Variants in LINC00305 observed in about 807,000 individuals in gnomAD.
The protein encoded by LINC00305 is long independently transcribed non-coding RNA 305, also known as long intergenic non-protein coding RNA 305.
chr18:64,127,616 G>A (rs1258414245), intron 1 of LINC00305, among the ~76,000 whole-genome samples: 1 of 152,076 alleles, frequency 6.6e-6, no homozygotes, highest in Non-Finnish European at 1.5e-5. Flanking sequence ...AACAGAGAGT[G>A]CCTATTTTCA....
At chr18:64,124,902 T>C (rs11874992) in intron 1 of LINC00305, among the ~76,000 whole-genome samples, 2 of 151,964 alleles carry the variant, frequency 1.3e-5, no homozygotes, top group Non-Finnish European at 2.9e-5. Context: ...ACCTAGGAAG[T>C]CTAACACCAA....
At chr18:64,101,080 T>C (rs1215175487) in intron 1 of LINC00305, among the ~76,000 whole-genome samples, 5 of 152,174 alleles carry the variant, frequency 3.3e-5, no homozygotes, top group Non-Finnish European at 7.4e-5. Flanking sequence ...GTCTCTACCA[T>C]TGCTAAGTGC....
intron 1 of LINC00305, among the ~76,000 whole-genome samples, chr18:64,136,648 G>A (rs74390756): frequency 0.035 from 5,372 of 152,278 alleles, 145 homozygotes; most frequent in Middle Eastern, 0.061. Context: ...CAGCTGCAAA[G>A]GCTGAAATGA....
At chr18:64,115,477 G>C (rs1017898816) in intron 1 of LINC00305, among the ~76,000 whole-genome samples, 5 of 152,140 alleles carry the variant, frequency 3.3e-5, no homozygotes, top group African/African-American at 1.2e-4. Flanking sequence ...TGTGTGGGGA[G>C]GCTGCTTATG....
At chr18:64,120,116 G>A (rs2051355110) in intron 1 of LINC00305, among the ~76,000 whole-genome samples, 1 of 152,032 alleles carries the variant, frequency 6.6e-6, no homozygotes, top group South Asian at 2.1e-4. Context: ...GGCCACCAGA[G>A]GGGGCATCTT....
At chr18:64,085,741 G>T (rs886378703) in intron 3 of LINC00305, among the ~76,000 whole-genome samples, 4 of 152,210 alleles carry the variant, frequency 2.6e-5, no homozygotes, top group Admixed American at 2.6e-4. Flanking sequence ...GATTACAGGC[G>T]TGAGCCACCA....
chr18:64,083,221 C>T (rs952061094), intron 3 of LINC00305, among the ~76,000 whole-genome samples: 11 of 152,138 alleles, frequency 7.2e-5, no homozygotes, highest in African/African-American at 2.4e-4. Context: ...ACATTCCTCA[C>T]CCCAGACAGG....
intron 3 of LINC00305, among the ~76,000 whole-genome samples, chr18:64,093,466 C>T (rs2051232679): frequency 6.6e-6 from 1 of 152,226 alleles, no homozygotes; most frequent in Non-Finnish European, 1.5e-5. Context: ...TCCCCAGTAG[C>T]TGGCATTACA....
At chr18:64,144,040 A>G (rs1410958835) in intron 1 of LINC00305, among the ~76,000 whole-genome samples, 1 of 152,210 alleles carries the variant, frequency 6.6e-6, no homozygotes, top group African/African-American at 2.4e-5. Context: ...CTTGCTAATT[A>G]TAGAAGGAAG....
intron 1 of LINC00305, among the ~76,000 whole-genome samples, chr18:64,145,981 G>A (rs7234133): frequency 6.6e-6 from 1 of 151,776 alleles, no homozygotes; most frequent in Non-Finnish European, 1.5e-5. Context: ...AAAATGTGGG[G>A]TACTTATTAG....
intron 1 of LINC00305, among the ~76,000 whole-genome samples, chr18:64,100,141 A>G (rs1472354454): frequency 1.3e-5 from 2 of 151,984 alleles, no homozygotes; most frequent in Non-Finnish European, 2.9e-5. Flanking sequence ...TCCATTAAAT[A>G]TTGTTTTTTT....
At chr18:64,108,890 AAAAG>A (rs1393797180) in intron 1 of LINC00305, among the ~76,000 whole-genome samples, 2 of 152,236 alleles carry the variant, frequency 1.3e-5, no homozygotes, top group Non-Finnish European at 2.9e-5. Flanking sequence ...AACCTGGAGA[AAAAG>A]AAAGAAACAT....
Position 64,094,856 on chromosome 18 carries a change from A to AAATAAAT in LINC00305, n.540+2977_540+2978insATTTATT, listed in dbSNP as rs1568105312. The stretch of plus-strand genomic sequence containing the variant: ...GGGACAGAGCAAGACTTCATCTCAA[A>AAATAAAT]AAATAAATAAATAAATAAATAAATA... On this transcript the variant is annotated intron_variant and non_coding_transcript_variant, in intron 3 of 3. Coordinates refer to ENST00000666468, the Ensembl canonical transcript of LINC00305. 3.6e-3 allele frequency among the ~76,000 whole-genome samples: 431 copies of AAATAAAT among 120,840 alleles called. 1 individual carries two copies. Among genetic ancestry groups the AAATAAAT allele is most frequent in the African/African-American group, 0.011 (411 of 37,574 alleles). 79.3% of individuals were successfully genotyped at this position (120,840 alleles called of 152,430 possible).
chr18:64,080,222 G>A (rs866221360), exon 4 of LINC00305: 2 of 366,254 alleles, frequency 5.5e-6, no homozygotes, highest in Non-Finnish European at 1.1e-5. Context: ...TTATCCAAAG[G>A]TGCTTCACAG....
At chr18:64,129,085 A>G (rs989801416) in intron 1 of LINC00305, among the ~76,000 whole-genome samples, 1 of 152,140 alleles carries the variant, frequency 6.6e-6, no homozygotes, top group African/African-American at 2.4e-5. Flanking sequence ...ATACATTTTT[A>G]AATTTCTTCA....
chr18:64,146,722 A>G (rs1253760780), intron 1 of LINC00305, among the ~76,000 whole-genome samples: 2 of 151,216 alleles, frequency 1.3e-5, no homozygotes, highest in African/African-American at 2.4e-5. Context: ...CAGACACTAG[A>G]AAGTAGAATG....
intron 1 of LINC00305, among the ~76,000 whole-genome samples, chr18:64,146,062 G>T (rs1251741228): frequency 6.6e-6 from 1 of 150,384 alleles, no homozygotes; most frequent in Non-Finnish European, 1.5e-5. Flanking sequence ...GGCTATCTTA[G>T]TAATTAAAAA....
At chr18:64,133,548 G>T (rs1209554356) in intron 1 of LINC00305, among the ~76,000 whole-genome samples, 2 of 152,112 alleles carry the variant, frequency 1.3e-5, no homozygotes, top group South Asian at 2.1e-4. Flanking sequence ...CCACAGATAG[G>T]CTCCCAGAAA....
At chr18:64,115,684 C>T (rs367618153) in intron 1 of LINC00305, among the ~76,000 whole-genome samples, 27 of 152,208 alleles carry the variant, frequency 1.8e-4, no homozygotes, top group African/African-American at 5.8e-4. Flanking sequence ...AAACTTTAGA[C>T]GGTTCTTCAA....
Sources: allele counts gnomAD v4.1 joint callset (sites outside exome capture counted in the v4.1 genomes callset), GRCh38; gene constraint gnomAD v4.1.1; transcripts MANE v1.5; gene names NCBI Gene and HGNC (gene_info 2026-07-23, HGNC 2026-07-21).